Variants in TMOD2 observed in about 807,000 individuals in gnomAD.
TMOD2 encodes tropomodulin 2.
A neutral mutation model predicts 39.9 loss-of-function variants in TMOD2; 22 were observed. The ratio of observed to expected loss-of-function variants is 0.55; its 90% CI spans 0.39 to 0.79. TMOD2 has a LOEUF of 0.79. Ranked by LOEUF, TMOD2 falls within the 30% of genes least tolerant of loss-of-function variation. The pLI is 0.00. For synonymous variants in TMOD2, 123 were observed against 146.1 expected, an observed-to-expected ratio of 0.84 and a Z score of 1.14; for missense variants, 386 against 413.3, an observed-to-expected ratio of 0.93 and a Z score of 0.57.
At chr15:51,798,375 A>G in intron 8 of TMOD2, 35 bp downstream of exon 8, 1 of 1,611,344 alleles carries the variant, frequency 6.2e-7, no homozygotes, top group South Asian at 1.1e-5. Context: ...AAGTCAACTC[A>G]CAGGGTGTGC....
At chr15:51,805,953 A>C (rs1000426461) in intron 8 of TMOD2, among the ~76,000 whole-genome samples, 4 of 152,232 alleles carry the variant, frequency 2.6e-5, no homozygotes, top group African/African-American at 7.2e-5. Flanking sequence ...TCCCAAAGTA[A>C]AAAGTAAAAA....
At chr15:51,778,977 G>A (rs1301416892) in intron 5 of TMOD2, among the ~76,000 whole-genome samples, 1 of 151,972 alleles carries the variant, frequency 6.6e-6, no homozygotes, top group East Asian at 1.9e-4. Flanking sequence ...ATTTTTTTGA[G>A]ATAGAGGCTT....
At chr15:51,775,520 T>G (rs1210467848) in intron 4 of TMOD2, among the ~76,000 whole-genome samples, 1 of 151,900 alleles carries the variant, frequency 6.6e-6, no homozygotes, top group Non-Finnish European at 1.5e-5. Flanking sequence ...ATGGGACACC[T>G]TCTCCTTCTC....
Position 51,805,160 on chromosome 15 carries a change from A to G in TMOD2, c.877-1217A>G, listed in dbSNP as rs113446597. 9.5e-3 allele frequency among the ~76,000 whole-genome samples: 1,437 copies of G among 151,520 alleles called. 16 individuals carry two copies. Among genetic ancestry groups the G allele is most frequent in the African/African-American group, 0.019 (798 of 41,258 alleles). On this transcript the variant is annotated intron_variant, in intron 8 of 9. Transcript: ENST00000249700. Reference sequence around the variant, plus strand: ...TTTTTAGTAGAAACGGCGTTTCACCATGTTGCCCGGGCTGGTCTCAAACTC... The same window carrying G: ...TTTTTAGTAGAAACGGCGTTTCACCGTGTTGCCCGGGCTGGTCTCAAACTC...
chr15:51,788,973 A>G (rs1279047095), intron 7 of TMOD2, among the ~76,000 whole-genome samples: 2 of 152,254 alleles, frequency 1.3e-5, no homozygotes, highest in Non-Finnish European at 2.9e-5. Flanking sequence ...ATAACCAGCT[A>G]GCATCATAAT....
At position 51,801,655 on chromosome 15, in the gene TMOD2, G is replaced by A. The variant is rs143935255; in HGVS notation, c.876+3315G>A. 9.3e-3 allele frequency among the ~76,000 whole-genome samples: 1,419 copies of A among 152,242 alleles called. 18 individuals carry two copies. The highest frequency in any genetic ancestry group is 0.033 in the African/African-American group (1,367 of 41,528). On this transcript the variant is annotated intron_variant, in intron 8 of 9. Coordinates refer to ENST00000249700, the MANE Select transcript of TMOD2 (RefSeq NM_014548.4). ...GTGATTTAATCAGGTGCCCCCATGG[G>A]AAGAACAATCGGTGATGCATATTAA...
At position 51,814,988 on chromosome 15, in the gene TMOD2, C is replaced by T. The variant is rs2056179788; in HGVS notation, c.*6534C>T. 1 of 152,176 alleles carries T rather than the reference C, an allele frequency of 6.6e-6. No individual in the cohort carries two copies. The highest frequency in any genetic ancestry group is 2.4e-5 in the African/African-American group (1 of 41,404). The allele number at this position is 152,176 out of a possible 1,614,324, so 9.4% of individuals were successfully genotyped here. ...AAAATATATACTATTTAGGCTGGGC[C>T]CAGTGGCTCATGCCTGTAATCCCAG... On this transcript the variant is annotated 3_prime_UTR_variant, in exon 10 of 10. Coordinates refer to ENST00000249700, the MANE Select transcript of TMOD2 (RefSeq NM_014548.4).
intron 7 of TMOD2, among the ~76,000 whole-genome samples, chr15:51,792,534 A>C (rs2056019310): frequency 6.6e-6 from 1 of 152,244 alleles, no homozygotes; most frequent in African/African-American, 2.4e-5. Flanking sequence ...AAAGGATTAT[A>C]AATCATTCTA....
At position 51,753,546 on chromosome 15, in the gene TMOD2, C is replaced by CA. The variant is rs935119254; in HGVS notation, c.-70+1844dup. ...ATGTGTGAACTTTGAATCCTAGATGCAAAAAAAAAAGCTATAAAAGACAAT... is the reference window on the plus strand; with the variant it reads ...ATGTGTGAACTTTGAATCCTAGATGCAAAAAAAAAAAGCTATAAAAGACAAT... On this transcript the variant is annotated intron_variant, in intron 1 of 9. Transcript: ENST00000249700. 8.8e-4 allele frequency among the ~76,000 whole-genome samples: 125 copies of CA among 141,752 alleles called. 1 individual carries two copies. The highest frequency in any genetic ancestry group is 1.7e-3 in the African/African-American group (65 of 38,650). The allele number at this position is 141,752 out of a possible 152,430, so 93.0% of individuals were successfully genotyped here. A position where few individuals can be genotyped will look rare whatever the true frequency, so the allele number is the denominator to read the frequency against.
At position 51,810,481 on chromosome 15, in the gene TMOD2, T is replaced by G. The variant is rs1266700835; in HGVS notation, c.*2027T>G. The G allele has an allele frequency of 6.6e-6, 1 of 152,212 alleles. No homozygotes were observed. The highest frequency in any genetic ancestry group is 2.4e-5 in the African/African-American group (1 of 41,472). The allele number at this position is 152,212 out of a possible 1,614,324, so 9.4% of individuals were successfully genotyped here. ...ACTACCTTCTTGTTACTACAGTGGC[T>G]TGAAATTGGCCATGGTAGAAATATT... is the stretch of plus-strand genomic sequence containing the variant. On this transcript the variant is annotated 3_prime_UTR_variant, in exon 10 of 10. Transcript: ENST00000249700.
At chr15:51,778,359 A>G in intron 5 of TMOD2, among the ~76,000 whole-genome samples, 1 of 114,238 alleles carries the variant, frequency 8.8e-6, no homozygotes, top group African/African-American at 3.3e-5. Flanking sequence ...GGGGGGAGGG[A>G]TAGCATTAGG....
Position 51,806,521 on chromosome 15 carries a change from G to C in TMOD2, c.1021G>C (p.Val341Leu). The change falls in exon 9 of 10, where the codon GTT becomes CTT. Residue 341 changes from valine (V) to leucine (L), a missense_variant and splice_region_variant. Physicochemically the swap from Val to Leu is conservative, Grantham distance 32. Coordinates refer to ENST00000249700, the MANE Select transcript of TMOD2 (RefSeq NM_014548.4). ...TGCCATCACAAAGAATAATGACCTG[G>C]GTAATTCAGCCATAATATTTGCTGT... ...AAAITKNNDLVRKKRVEADRR is the reference protein window; with the variant it reads ...AAAITKNNDLLRKKRVEADRR The C allele has an allele frequency of 6.2e-7, 1 of 1,613,890 alleles. No individual in the cohort carries two copies. Among genetic ancestry groups the C allele is most frequent in the South Asian group, 1.1e-5 (1 of 91,070 alleles).
intron 7 of TMOD2, among the ~76,000 whole-genome samples, chr15:51,794,530 C>T (rs2056034901): frequency 1.3e-5 from 2 of 152,084 alleles, no homozygotes; most frequent in African/African-American, 4.8e-5. Flanking sequence ...GCCTGGGCAA[C>T]ATAGAGAGAC....
At chr15:51,777,081 G>C in intron 5 of TMOD2, 63 bp downstream of exon 5, 2 of 1,411,602 alleles carry the variant, frequency 1.4e-6, no homozygotes, top group South Asian at 1.2e-5. Flanking sequence ...GCTGGTAGGA[G>C]AGAGGCCTGT....
chr15:51,768,112 C>T (rs1286863502), intron 2 of TMOD2, 150 bp from the exon 3 acceptor site: 34 of 859,100 alleles, frequency 4.0e-5, no homozygotes, highest in Non-Finnish European at 4.7e-5. Flanking sequence ...TCAGAGGCGT[C>T]CCAGAGCCCC....
intron 7 of TMOD2, among the ~76,000 whole-genome samples, chr15:51,789,298 A>C (rs1416585523): frequency 2.0e-5 from 3 of 152,250 alleles, no homozygotes; most frequent in Admixed American, 6.5e-5. Flanking sequence ...TCAATTCAAC[A>C]AGAAGAGCTA....
At chr15:51,797,935 A>T (rs1211652939) in intron 7 of TMOD2, among the ~76,000 whole-genome samples, 4 of 151,554 alleles carry the variant, frequency 2.6e-5, no homozygotes, top group Non-Finnish European at 5.9e-5. Flanking sequence ...TAACAAAAAA[A>T]ATCTGTAATC....
chr15:51,806,649 A>G, intron 9 of TMOD2, 128 bp downstream of exon 9: 1 of 1,027,852 alleles, frequency 9.7e-7, no homozygotes, highest in South Asian at 1.6e-5. Context: ...TTCATATAAG[A>G]CGCATTATTA....
intron 4 of TMOD2, among the ~76,000 whole-genome samples, chr15:51,775,941 TAGAA>T (rs1420731633): frequency 6.6e-6 from 1 of 152,202 alleles, no homozygotes; most frequent in Non-Finnish European, 1.5e-5. Context: ...GCCTGACACA[TAGAA>T]AGTCATTTAA....
Sources: gnomAD v4.1 joint callset for allele counts (sites outside exome capture counted in the v4.1 genomes callset) on GRCh38, gnomAD v4.1.1 for gene constraint, MANE v1.5 for transcripts, NCBI Gene and HGNC (gene_info 2026-07-23, HGNC 2026-07-21) for gene names.